The following PUS3 variants were observed in gnomAD, a reference collection of about 807,000 sequenced individuals.
The protein encoded by PUS3 is tRNA pseudouridine(38/39) synthase.
In PUS3, 36 loss-of-function variants were observed where a neutral mutation model predicts 43.3. The observed-to-expected ratio is 0.83, with a 90% confidence interval of 0.64 to 1.10. The LOEUF is 1.10. PUS3 is among the 50% of genes least tolerant of loss of function. PUS3 has a pLI of 0.00. For missense variants in PUS3, 544 were observed against 589.9 expected, an observed-to-expected ratio of 0.92 and a Z score of 0.81; for synonymous variants, 183 against 199.2, an observed-to-expected ratio of 0.92 and a Z score of 0.69.
Position 125,900,094 on chromosome 11 carries a change from A to G in PUS3, c.-47+3076T>C, listed in dbSNP as rs1944719230. 1.2e-6 allele frequency: 2 copies of G among 1,614,204 alleles called. No individual in the cohort carries two copies. Among genetic ancestry groups the G allele is most frequent in the South Asian group, 2.2e-5 (2 of 91,086 alleles). On this transcript the variant is annotated intron_variant, in intron 1 of 3. Transcript: ENST00000227474. Reference sequence around the variant, plus strand: ...GAAAGGAATTACGCTGGGGTGTCCGAGAGCAGATGCTTTGTCGAGCAGAAC... The same window carrying G: ...GAAAGGAATTACGCTGGGGTGTCCGGGAGCAGATGCTTTGTCGAGCAGAAC...
Position 125,895,133 on chromosome 11 carries a change from G to A in PUS3, c.944+91C>T, listed in dbSNP as rs566387158. 46 of 1,014,262 alleles carry A rather than the reference G, an allele frequency of 4.5e-5. No individual in the cohort carries two copies. In the South Asian group the frequency reaches 5.2e-4, roughly 11 times the overall value. The allele number at this position is 1,014,262 out of a possible 1,614,324, so 62.8% of individuals were successfully genotyped here. ...CCAATCTCAGCTCAGTGCAACCTCCGCCTCCTGGCTTCAAGCAATTCTTGT... is the reference window on the plus strand; with the variant it reads ...CCAATCTCAGCTCAGTGCAACCTCCACCTCCTGGCTTCAAGCAATTCTTGT... On this transcript the variant is annotated intron_variant, in intron 3 of 3. Transcript: ENST00000227474.
At chr11:125,901,592 C>T (rs182246039) in intron 1 of PUS3, among the ~76,000 whole-genome samples, 74 of 152,262 alleles carry the variant, frequency 4.9e-4, no homozygotes, top group African/African-American at 1.6e-3. Context: ...TTACTATCTG[C>T]GAAAATCATT....
At chr11:125,901,711 C>T (rs1944777665) in intron 1 of PUS3, among the ~76,000 whole-genome samples, 1 of 152,186 alleles carries the variant, frequency 6.6e-6, no homozygotes, top group African/African-American at 2.4e-5. Context: ...GTAGGATATA[C>T]TCACCGCAAA....
intron 1 of PUS3, among the ~76,000 whole-genome samples, chr11:125,898,172 G>A (rs1186976690): frequency 6.6e-6 from 1 of 152,130 alleles, no homozygotes. Flanking sequence ...GTAAAACTTG[G>A]TGGGGGAGGG....
In PUS3 at chr11:125,893,684, G is replaced by T. The variant is rs1591497541; in HGVS notation, c.*101C>A. On this transcript the variant is annotated 3_prime_UTR_variant, in exon 4 of 4. Transcript: ENST00000227474. ...TGCTTTTTTTTTTCTTTTAAGAGCT[G>T]ATCATCTGAATTCCTAGTACTTGCA... The T allele has an allele frequency of 9.0e-5, 71 of 788,648 alleles. No individual in the cohort carries two copies. Among genetic ancestry groups the T allele is most frequent in the Non-Finnish European group, 1.2e-4 (66 of 539,916 alleles). The allele number at this position is 788,648 out of a possible 1,614,324, so 48.9% of individuals were successfully genotyped here.
chr11:125,894,951 A>G (rs1944528978), intron 3 of PUS3, among the ~76,000 whole-genome samples: 1 of 152,178 alleles, frequency 6.6e-6, no homozygotes. Context: ...TCCCTCTTAC[A>G]TGTTCATAAC....
rs763478603 is a variant in PUS3, at chr11:125,895,509, T to C, written c.659A>G (p.His220Arg). 5.0e-6 allele frequency: 8 copies of C among 1,614,180 alleles called. No individual in the cohort carries two copies. The highest frequency in any genetic ancestry group is 4.5e-5 in the East Asian group (2 of 44,882). The stretch of plus-strand genomic sequence containing the variant: ...CATTTTACACAAGTTCCTGAAATCA[T>C]GGGTGCCAACATACTTCTGAGCTGC... ...DYAAQKYVGT[H>R]DFRNLCKMDV... Residue 220 changes from histidine to arginine, a missense_variant, in exon 3 of 4, where the codon CAT becomes CGT. Coordinates refer to ENST00000227474, the MANE Select transcript of PUS3 (RefSeq NM_031307.4).
At position 125,895,434 on chromosome 11, in the gene PUS3, T is replaced by G. The variant is rs753425638; in HGVS notation, c.734A>C (p.Gln245Pro). The change falls in exon 3 of 4, where the codon CAA (glutamine) becomes CCA (proline). Residue 245 changes from glutamine (Q) to proline (P), a missense_variant. Coordinates refer to ENST00000227474, the MANE Select transcript of PUS3 (RefSeq NM_031307.4). ...INFQRTILSAQVQLVGQSPGE... is the reference protein window; with the variant it reads ...INFQRTILSAPVQLVGQSPGE... ...TGGGCTCTGGCCCACTAGCTGTACT[T>G]GAGCAGATAGAATAGTCCTCTGAAA... The G allele has an allele frequency of 6.2e-7, 1 of 1,614,082 alleles. No homozygotes were observed. The highest frequency in any genetic ancestry group is 1.7e-5 in the Admixed American group (1 of 60,018).
chr11:125,894,032 C>T lies in PUS3; in HGVS notation c.1199G>A (p.Ser400Asn), dbSNP rs374214672. 1.4e-5 allele frequency: 22 copies of T among 1,614,074 alleles called. No homozygotes were observed. In the African/African-American group the frequency reaches 2.7e-4, roughly 20 times the overall value. The change falls in exon 4 of 4, where the codon AGT (serine) becomes AAT (asparagine). Residue 400 changes from serine (S) to asparagine (N), a missense_variant. Transcript: ENST00000227474. ...NVKPSVIKQT[S>N]AFVEGVKMRT... ...CATCTTCACTCCTTCTACAAAGGCACTGGTCTGCTTTATGACAGAGGGCTT... is the reference window on the plus strand; with the variant it reads ...CATCTTCACTCCTTCTACAAAGGCATTGGTCTGCTTTATGACAGAGGGCTT...
At chr11:125,897,088 G>A (rs1346802891) in intron 1 of PUS3, among the ~76,000 whole-genome samples, 1 of 152,082 alleles carries the variant, frequency 6.6e-6, no homozygotes, top group African/African-American at 2.4e-5. Context: ...AATAATCTGA[G>A]GACAACTGTA....
At chr11:125,894,813 C>T (rs1176487166) in intron 3 of PUS3, among the ~76,000 whole-genome samples, 1 of 152,124 alleles carries the variant, frequency 6.6e-6, no homozygotes, top group African/African-American at 2.4e-5. Context: ...AACAGTAATA[C>T]CTCTTAACAT....
intron 1 of PUS3, among the ~76,000 whole-genome samples, chr11:125,896,801 A>G (rs887318639): frequency 1.8e-4 from 27 of 152,168 alleles, no homozygotes; most frequent in Non-Finnish European, 4.4e-5. Flanking sequence ...TCCATCATCT[A>G]ATATTCATTA....
intron 1 of PUS3, chr11:125,900,541 T>C: frequency 2.3e-6 from 1 of 428,534 alleles, no homozygotes; most frequent in Non-Finnish European, 4.4e-6. Flanking sequence ...GGGCCCTTTG[T>C]GTCCTGTAAC....
chr11:125,894,503 G>C (rs545910611), intron 3 of PUS3, among the ~76,000 whole-genome samples: 1 of 152,140 alleles, frequency 6.6e-6, no homozygotes, highest in Non-Finnish European at 1.5e-5. Context: ...CCTGATCTAT[G>C]TAAGGTAAAT....
rs550588834 is a variant in PUS3 at position 125,899,255 on chromosome 11, T to C, written c.-46-2925A>G. On this transcript the variant is annotated intron_variant, in intron 1 of 3. Coordinates refer to ENST00000227474, the MANE Select transcript of PUS3 (RefSeq NM_031307.4). ...ATGGCCTTAGCCATTCTTTCTCCAT[T>C]TGACTGCTATAAAACGGAGATAAGG... 3.4e-6 allele frequency: 3 copies of C among 886,146 alleles called. No homozygotes were observed. The Admixed American group carries it at 6.9e-5, about 20-fold the overall frequency. 54.9% of individuals were successfully genotyped at this position (886,146 alleles called of 1,614,324 possible).
At chr11:125,900,214 C>G in intron 1 of PUS3, 9 of 1,614,190 alleles carry the variant, frequency 5.6e-6, no homozygotes, top group Non-Finnish European at 6.8e-6. Flanking sequence ...TTCGTTGTGA[C>G]CTTGCAAATG....
At chr11:125,900,120 C>A (rs750106574) in intron 1 of PUS3, 1 of 1,614,124 alleles carries the variant, frequency 6.2e-7, no homozygotes, top group South Asian at 1.1e-5. Flanking sequence ...CGAGCAGAAC[C>A]CCAATCCAAA....
chr11:125,896,192 T>C lies in PUS3; in HGVS notation c.93A>G (p.Glu31=). ...LEQEVQRLKK[E]QAKNKEDSNI... The stretch of plus-strand genomic sequence containing the variant: ...TTGAGTCCTCCTTATTTTTGGCCTG[T>C]TCCTTTTTAAGTCTTTGCACCTCTT... The change falls in exon 2 of 4, where the codon GAA becomes GAG. Residue 31 remains glutamate (E), a synonymous_variant. Coordinates refer to ENST00000227474, the MANE Select transcript of PUS3 (RefSeq NM_031307.4). 1 of 1,614,204 alleles carries C rather than the reference T, an allele frequency of 6.2e-7. No homozygotes were observed. The highest frequency in any genetic ancestry group is 8.5e-7 in the Non-Finnish European group (1 of 1,180,028).
chr11:125,899,853 G>A, intron 1 of PUS3: 2 of 1,614,136 alleles, frequency 1.2e-6, no homozygotes, highest in East Asian at 2.2e-5. Flanking sequence ...GAATACCAAG[G>A]AATTTCTCAA....
Sources: allele counts gnomAD v4.1 joint callset (sites outside exome capture counted in the v4.1 genomes callset), GRCh38; gene constraint gnomAD v4.1.1; transcripts MANE v1.5; gene names NCBI Gene and HGNC (gene_info 2026-07-23, HGNC 2026-07-21).